ADAM9: variants seen among roughly 807,000 people sequenced by gnomAD.
The protein encoded by ADAM9 is ADAM metallopeptidase domain 9, also known as disintegrin and metalloproteinase domain-containing protein 9.
Under a neutral mutation model 108.1 loss-of-function variants are expected in ADAM9, and 54 were observed. The ratio of observed to expected loss-of-function variants is 0.50; its 90% confidence interval spans 0.40 to 0.63. The LOEUF is 0.63. Ranked by LOEUF, ADAM9 falls within the 20% of genes least tolerant of loss-of-function variation. ADAM9 has a pLI of 0.00. For synonymous variants in ADAM9, 316 were observed against 336.0 expected (o/e 0.94, Z 0.65); for missense variants, 830 against 997.7 (o/e 0.83, Z 2.26).
At chr8:39,046,291 A>G (rs990662112) in intron 12 of ADAM9, among the ~76,000 whole-genome samples, 7 of 151,988 alleles carry the variant, frequency 4.6e-5, no homozygotes, top group Admixed American at 1.3e-4. Flanking sequence ...TGTGAAAATG[A>G]CCTTATTTTT....
chr8:39,008,008 A>G lies in ADAM9; in HGVS notation c.195+25A>G, dbSNP rs200117389. On this transcript the variant is annotated intron_variant, in intron 2 of 21. Coordinates refer to ENST00000487273, the MANE Select transcript of ADAM9 (RefSeq NM_003816.3). ...AGTAAGTTATAATTGTTGAGAAATAATATGTGGTTAATTTTTTTCTTTTCT... is the reference window on the plus strand; with the variant it reads ...AGTAAGTTATAATTGTTGAGAAATAGTATGTGGTTAATTTTTTTCTTTTCT... The G allele has an allele frequency of 4.8e-5, 73 of 1,520,190 alleles. No homozygotes were observed. The African/African-American group carries it at 5.5e-4, about 11-fold the overall frequency. 94.2% of individuals were successfully genotyped at this position (1,520,190 alleles called of 1,614,324 possible).
Position 39,054,504 on chromosome 8 carries a change from C to T in ADAM9, c.1326C>T (p.Cys442=), listed in dbSNP as rs200708620. 49 of 1,609,532 alleles carry T rather than the reference C, an allele frequency of 3.0e-5. No homozygotes were observed. Among genetic ancestry groups the T allele is most frequent in the East Asian group, 1.8e-4 (8 of 44,622 alleles). The change falls in exon 13 of 22, where the codon TGC becomes TGT. Residue 442 remains cysteine (C), a synonymous_variant. Transcript: ENST00000487273. Reference sequence around the variant, plus strand: ...AGGAATGTGAATTGGACCCTTGCTGCGAAGGAAGTACCTGTAAGCTTAAAT... The same window carrying T: ...AGGAATGTGAATTGGACCCTTGCTGTGAAGGAAGTACCTGTAAGCTTAAAT... ...TPKECELDPC[C]EGSTCKLKSF...
In ADAM9 at chr8:39,054,529, T is replaced by G; in HGVS notation, c.1351T>G (p.Ser451Ala). The G allele has an allele frequency of 1.2e-6, 2 of 1,609,864 alleles. No individual in the cohort carries two copies. Among genetic ancestry groups the G allele is most frequent in the South Asian group, 2.2e-5 (2 of 90,990 alleles). ...CCEGSTCKLK[S>A]FAECAYGDCC... is the part of the protein sequence containing the mutation. ...CGAAGGAAGTACCTGTAAGCTTAAATCATTTGCTGAGTGTGCATATGGTGA... is the reference window on the plus strand; with the variant it reads ...CGAAGGAAGTACCTGTAAGCTTAAAGCATTTGCTGAGTGTGCATATGGTGA... The change falls in exon 13 of 22, where the codon TCA becomes GCA. Residue 451 changes from serine to alanine, a missense_variant. This residue lies in a region of ADAM9 where 381 missense variants were observed against 539.8 expected (regional missense o/e 0.71). Transcript: ENST00000487273.
At chr8:39,063,893 G>C (rs1838375075) in intron 14 of ADAM9, among the ~76,000 whole-genome samples, 1 of 152,156 alleles carries the variant, frequency 6.6e-6, no homozygotes, top group African/African-American at 2.4e-5. Context: ...CTTTCAGCCA[G>C]TCACAGGATA....
At chr8:39,083,873 G>A (rs1301761722) in intron 18 of ADAM9, among the ~76,000 whole-genome samples, 2 of 152,112 alleles carry the variant, frequency 1.3e-5, no homozygotes, top group African/African-American at 4.8e-5. Context: ...TATAGTAGGT[G>A]TATGTTAAGC....
At chr8:39,032,219 A>C in intron 11 of ADAM9, among the ~76,000 whole-genome samples, 1 of 152,212 alleles carries the variant, frequency 6.6e-6, no homozygotes, top group East Asian at 1.9e-4. Context: ...TCAGACAGGG[A>C]CGTTTAAATC....
Position 39,042,575 on chromosome 8 carries a change from A to G in ADAM9, c.1302+458A>G, listed in dbSNP as rs181532750. Reference sequence around the variant, plus strand: ...GCTACTCAAAGTAGCACTCTAAAAAAAAAAAAATTCAAGTAGTAAGTAAAA... The same window carrying G: ...GCTACTCAAAGTAGCACTCTAAAAAGAAAAAAATTCAAGTAGTAAGTAAAA... On this transcript the variant is annotated intron_variant, in intron 12 of 21. Coordinates refer to ENST00000487273, the MANE Select transcript of ADAM9 (RefSeq NM_003816.3). 1.0e-3 allele frequency among the ~76,000 whole-genome samples: 158 copies of G among 152,270 alleles called. 1 individual carries two copies. Among genetic ancestry groups the G allele is most frequent in the African/African-American group, 3.3e-3 (136 of 41,578 alleles).
Position 39,016,209 on chromosome 8 carries a change from TTATC to T in ADAM9, c.410+17_410+20del. 6.2e-7 allele frequency: 1 copy of T among 1,606,260 alleles called. No homozygotes were observed. Among genetic ancestry groups the T allele is most frequent in the South Asian group, 1.1e-5 (1 of 90,906 alleles). On this transcript the variant is annotated intron_variant, in intron 5 of 21. Transcript: ENST00000487273. ...TTTGGACTCAGGTAAGCAATTTCCT[TTATC>T]TTCTTTTTTTTTGTTTCCCCTATGT... is the stretch of plus-strand genomic sequence containing the variant.
At chr8:39,037,726 G>T (rs1837331018) in intron 11 of ADAM9, among the ~76,000 whole-genome samples, 1 of 152,040 alleles carries the variant, frequency 6.6e-6, no homozygotes, top group Admixed American at 6.5e-5. Flanking sequence ...AAACATTATT[G>T]CATGTATACC....
chr8:39,081,884 T>C (rs899676283), intron 16 of ADAM9, among the ~76,000 whole-genome samples: 2 of 152,192 alleles, frequency 1.3e-5, no homozygotes, highest in Non-Finnish European at 2.9e-5. Flanking sequence ...CTTCTTTTTT[T>C]CCTCTAACAT....
Position 39,090,158 on chromosome 8 carries a change from A to G in ADAM9, c.2180A>G (p.Tyr727Cys), listed in dbSNP as rs1453188682. 18 of 1,613,758 alleles carry G rather than the reference A, an allele frequency of 1.1e-5. No homozygotes were observed. Among genetic ancestry groups the G allele is most frequent in the Non-Finnish European group, 1.5e-5 (18 of 1,179,888 alleles). The change falls in exon 19 of 22, where the codon TAC becomes TGC. Residue 727 changes from tyrosine (Y) to cysteine (C), a missense_variant. This residue lies in a region of ADAM9 where 238 missense variants were observed against 235.7 expected (regional missense o/e 1.01). Transcript: ENST00000487273. Reference protein sequence around the residue: ...FIKRDQLWRSYFRKKRSQTYE... With the variant: ...FIKRDQLWRSCFRKKRSQTYE... ...AAGAGGGATCAACTGTGGAGAAGCTACTTCAGAAAGAAGAGATCACAAACA... is the reference window on the plus strand; with the variant it reads ...AAGAGGGATCAACTGTGGAGAAGCTGCTTCAGAAAGAAGAGATCACAAACA...
intron 1 of ADAM9, among the ~76,000 whole-genome samples, chr8:39,006,647 A>G (rs1588322584): frequency 6.6e-6 from 1 of 151,592 alleles, no homozygotes; most frequent in African/African-American, 2.4e-5. Context: ...GAGACTATGT[A>G]TTGGACTCCC....
rs753071955 is a variant in ADAM9, at chr8:39,071,262, C to CT, written c.1592-27dup. 4,416 of 1,580,000 alleles carry CT rather than the reference C, an allele frequency of 2.8e-3. 11 individuals carry two copies. The highest frequency in any genetic ancestry group is 3.6e-3 in the Non-Finnish European group (4,127 of 1,152,396). On this transcript the variant is annotated intron_variant, in intron 14 of 21. Coordinates refer to ENST00000487273, the MANE Select transcript of ADAM9 (RefSeq NM_003816.3). Reference sequence around the variant, plus strand: ...TATTTCAAAAGCTAAATTGCCATAACTTTTTTTTTCTTTTTTTAAATGTTT... The same window carrying CT: ...TATTTCAAAAGCTAAATTGCCATAACTTTTTTTTTTCTTTTTTTAAATGTTT...
intron 20 of ADAM9, among the ~76,000 whole-genome samples, chr8:39,096,921 A>G (rs1225035815): frequency 6.6e-6 from 1 of 152,000 alleles, no homozygotes; most frequent in Non-Finnish European, 1.5e-5. Context: ...GTCCATCTGC[A>G]TTCTCTTTTA....
intron 11 of ADAM9, among the ~76,000 whole-genome samples, chr8:39,034,297 A>G (rs1476950954): frequency 1.3e-5 from 2 of 152,132 alleles, no homozygotes; most frequent in East Asian, 1.9e-4. Context: ...AAATTATTAC[A>G]CATGTTCTTA....
At chr8:39,087,639 C>CT (rs1243805740) in intron 18 of ADAM9, among the ~76,000 whole-genome samples, 2 of 152,036 alleles carry the variant, frequency 1.3e-5, no homozygotes, top group African/African-American at 4.8e-5. Context: ...GTAAAAATTC[C>CT]TAATAAATGA....
At chr8:39,058,039 G>A (rs1473229361) in intron 14 of ADAM9, among the ~76,000 whole-genome samples, 1 of 152,144 alleles carries the variant, frequency 6.6e-6, no homozygotes, top group Non-Finnish European at 1.5e-5. Context: ...TATCCTGCAT[G>A]CAACTAAAAC....
chr8:39,010,197 C>T (rs529543032), intron 2 of ADAM9, among the ~76,000 whole-genome samples: 52 of 152,222 alleles, frequency 3.4e-4, no homozygotes, highest in African/African-American at 1.2e-3. Context: ...AGTAAACTAT[C>T]ACAAAACAAT....
At position 39,054,602 on chromosome 8, in the gene ADAM9, GAA is replaced by G. The variant is rs755442483; in HGVS notation, c.1395+48_1395+49del. On this transcript the variant is annotated intron_variant, in intron 13 of 21. Coordinates refer to ENST00000487273, the MANE Select transcript of ADAM9 (RefSeq NM_003816.3). ...AGGAATTCCTCCCTTTTGGAAACAG[GAA>G]AAAAAAAAAAAAAAAAAAGAAAACC... 36,638 of 925,196 alleles carry G rather than the reference GAA, an allele frequency of 0.04. 365 individuals are homozygous for G. The highest frequency in any genetic ancestry group is 0.16 in the African/African-American group (8,096 of 50,706). 57.3% of individuals were successfully genotyped at this position (925,196 alleles called of 1,614,324 possible).
Sources: allele counts gnomAD v4.1 joint callset (sites outside exome capture counted in the v4.1 genomes callset), GRCh38; gene constraint gnomAD v4.1.1; regional missense constraint gnomAD v4.1.1; transcripts MANE v1.5; gene names NCBI Gene and HGNC (gene_info 2026-07-23, HGNC 2026-07-21).